Variants in AGMO observed in about 807,000 individuals in gnomAD.
The protein encoded by AGMO is alkylglycerol monooxygenase.
AGMO carries 75 observed loss-of-function variants against 60.2 expected under a neutral mutation model. The observed-to-expected ratio is 1.25, with a 90% confidence interval of 1.03 to 1.51. The LOEUF (loss-of-function observed/expected upper bound fraction) is 1.51, where lower values mean the gene tolerates loss of function less well. AGMO is among the 40% of genes most tolerant of loss of function. AGMO has a pLI of 0.00. For synonymous variants in AGMO, 261 were observed against 177.1 expected (o/e 1.47, Z -3.76); for missense variants, 763 against 525.5 (o/e 1.45, Z -4.42).
chr7:15,406,228 TACACAC>T (rs61400312), intron 5 of AGMO, among the ~76,000 whole-genome samples: 1 of 136,398 alleles, frequency 7.3e-6, no homozygotes, highest in African/African-American at 2.9e-5. Context: ...TTGTTTGGAA[TACACAC>T]ACACACACAC....
At chr7:15,317,212 C>A (rs968873371) in intron 12 of AGMO, among the ~76,000 whole-genome samples, 4 of 152,118 alleles carry the variant, frequency 2.6e-5, no homozygotes, top group Non-Finnish European at 5.9e-5. Context: ...TCAGTATTAA[C>A]TTGAATCTTC....
chr7:15,555,292 TACACACACACAC>T (rs58173194), intron 2 of AGMO, among the ~76,000 whole-genome samples: 58 of 95,838 alleles, frequency 6.1e-4, no homozygotes, highest in African/African-American at 1.9e-3. Flanking sequence ...TATATATATA[TACACACACACAC>T]ACACACACAC....
At chr7:15,300,492 G>C (rs967555711) in intron 12 of AGMO, among the ~76,000 whole-genome samples, 10 of 151,920 alleles carry the variant, frequency 6.6e-5, no homozygotes, top group African/African-American at 2.4e-4. Flanking sequence ...ATTTAATTAA[G>C]GTGAAGAAAA....
In AGMO at chr7:15,399,655, T is replaced by A. The variant is rs192107879; in HGVS notation, c.610-5476A>T. 5.3e-4 allele frequency among the ~76,000 whole-genome samples: 81 copies of A among 152,344 alleles called. 1 individual carries two copies. In the East Asian group the frequency reaches 0.013, roughly 25 times the overall value. On this transcript the variant is annotated intron_variant, in intron 5 of 12. Coordinates refer to ENST00000342526, the MANE Select transcript of AGMO (RefSeq NM_001004320.2). ...AAATGCTCTGGACAATTTGTTGGAA[T>A]GATCACAAACTCCTCATTTCTTCCT...
rs1415899754 is a variant in AGMO at position 15,241,486 on chromosome 7, A to AG, written c.1264-40128_1264-40127insC. On this transcript the variant is annotated intron_variant, in intron 12 of 12. Coordinates refer to ENST00000342526, the MANE Select transcript of AGMO (RefSeq NM_001004320.2). ...AAAAAAAAAAAAAAAAAAAAAAAAA[A>AG]AAGACTAGGGAAGACACAGAGTAGA... Among the ~76,000 whole-genome samples, 858 of 146,900 alleles carry AG rather than the reference A, an allele frequency of 5.8e-3. 9 individuals carry two copies. Among genetic ancestry groups the AG allele is most frequent in the Admixed American group, 0.02 (278 of 14,220 alleles).
chr7:15,353,529 A>C (rs2128554877), intron 12 of AGMO, among the ~76,000 whole-genome samples: 1 of 152,306 alleles, frequency 6.6e-6, no homozygotes, highest in South Asian at 2.1e-4. Flanking sequence ...AGCAAGACTA[A>C]ATGAAACAAA....
At chr7:15,204,690 A>G (rs189908654) in intron 12 of AGMO, among the ~76,000 whole-genome samples, 9 of 152,166 alleles carry the variant, frequency 5.9e-5, no homozygotes, top group African/African-American at 2.2e-4. Flanking sequence ...AGGAACCTCA[A>G]CTCTGATGCC....
At position 15,394,137 on chromosome 7, in the gene AGMO, G is replaced by C. The variant is rs1562483889; in HGVS notation, c.652C>G (p.Pro218Ala). Residue 218 changes from proline (P) to alanine (A), a missense_variant, in exon 6 of 13, where the codon CCT (proline) becomes GCT (alanine). Transcript: ENST00000342526. ...CCATGATGAACCCTATGATGGCTAG[G>C]AGTATTAAGAATCAGTTCCAAAGGA... ...LGPLELILNT[P>A]SHHRVHHGRN... 2 of 1,612,280 alleles carry C rather than the reference G, an allele frequency of 1.2e-6. No individual in the cohort carries two copies. The highest frequency in any genetic ancestry group is 1.7e-6 in the Non-Finnish European group (2 of 1,178,684).
intron 3 of AGMO, among the ~76,000 whole-genome samples, chr7:15,518,577 G>C (rs1305823907): frequency 6.6e-6 from 1 of 152,210 alleles, no homozygotes; most frequent in East Asian, 1.9e-4. Flanking sequence ...TGCAGAAGAG[G>C]GGCCTCACTG....
At chr7:15,474,587 A>G (rs1782542943) in intron 3 of AGMO, among the ~76,000 whole-genome samples, 1 of 152,288 alleles carries the variant, frequency 6.6e-6, no homozygotes, top group South Asian at 2.1e-4. Flanking sequence ...CCAAAATGAT[A>G]AAAGACCTAG....
intron 3 of AGMO, among the ~76,000 whole-genome samples, chr7:15,543,718 A>G (rs1054152783): frequency 2.0e-5 from 3 of 152,056 alleles, no homozygotes; most frequent in Non-Finnish European, 4.4e-5. Flanking sequence ...TTAAAATGCA[A>G]TACTGCTATA....
rs78956560 is a variant in AGMO, at chr7:15,537,852, C to T, written c.409+6920G>A. 7.9e-3 allele frequency among the ~76,000 whole-genome samples: 1,196 copies of T among 151,932 alleles called. 20 individuals are homozygous for T. Among genetic ancestry groups the T allele is most frequent in the African/African-American group, 0.027 (1,137 of 41,436 alleles). On this transcript the variant is annotated intron_variant, in intron 3 of 12. Coordinates refer to ENST00000342526, the MANE Select transcript of AGMO (RefSeq NM_001004320.2). ...TATTGATAAGAATATGCTATTTCTC[C>T]GAGAAAGGCCCCTCAAATCAGGCAT...
chr7:15,418,753 ATCT>A, intron 4 of AGMO, 100 bp from the exon 5 acceptor site: 1 of 707,472 alleles, frequency 1.4e-6, no homozygotes, highest in Non-Finnish European at 2.4e-6. Flanking sequence ...TAGGAAATAT[ATCT>A]CATACTATAT....
At chr7:15,322,964 T>A (rs1411778292) in intron 12 of AGMO, among the ~76,000 whole-genome samples, 1 of 70,748 alleles carries the variant, frequency 1.4e-5, no homozygotes, top group African/African-American at 7.1e-5. Flanking sequence ...ATAACACGTG[T>A]GTGTATATAT....
the AGMO span, among the ~76,000 whole-genome samples, chr7:15,165,156 C>G: frequency 6.6e-6 from 1 of 152,114 alleles, no homozygotes; most frequent in Non-Finnish European, 1.5e-5. Context: ...CACATGTTCT[C>G]ACTTACGGGG....
chr7:15,548,105 C>G (rs537669652), intron 2 of AGMO, among the ~76,000 whole-genome samples: 1 of 152,156 alleles, frequency 6.6e-6, no homozygotes, highest in South Asian at 2.1e-4. Context: ...AGCTGACGGT[C>G]ATGTCTGTTA....
the AGMO span, among the ~76,000 whole-genome samples, chr7:15,178,500 T>A: frequency 2.5e-4 from 38 of 152,122 alleles, no homozygotes; most frequent in African/African-American, 8.9e-4. Flanking sequence ...CTTTTTTTGT[T>A]GTTTTGTTGT....
At chr7:15,275,331 A>G (rs1783751156) in intron 12 of AGMO, among the ~76,000 whole-genome samples, 1 of 152,090 alleles carries the variant, frequency 6.6e-6, no homozygotes. Context: ...GTTATTTTAC[A>G]TGAATTTGTG....
At chr7:15,255,033 A>G (rs1447443264) in intron 12 of AGMO, among the ~76,000 whole-genome samples, 1 of 152,202 alleles carries the variant, frequency 6.6e-6, no homozygotes. Flanking sequence ...CAGCCATAAA[A>G]AAAGATGAGT....
Sources: allele counts gnomAD v4.1 joint callset (sites outside exome capture counted in the v4.1 genomes callset), GRCh38; gene constraint gnomAD v4.1.1; transcripts MANE v1.5; gene names NCBI Gene and HGNC (gene_info 2026-07-23, HGNC 2026-07-21).